NTM: variants seen among roughly 807,000 people sequenced by gnomAD.
The protein encoded by NTM is neurotrimin, also known as IgLON family member 2.
A neutral mutation model predicts 42.1 loss-of-function variants in NTM; 13 were observed. The observed-to-expected ratio is 0.31, with a 90% CI of 0.20 to 0.49. The LOEUF (loss-of-function observed/expected upper bound fraction) is 0.49. NTM is among the 20% of genes least tolerant of loss of function. The pLI is 0.99. For missense variants in NTM, 373 were observed against 452.8 expected (o/e 0.82, Z 1.60); for synonymous variants, 187 against 179.2 (o/e 1.04, Z -0.35).
At chr11:131,940,929 A>G (rs1243913245) in intron 2 of NTM, among the ~76,000 whole-genome samples, 1 of 152,254 alleles carries the variant, frequency 6.6e-6, no homozygotes. Flanking sequence ...ATTTCTTAAT[A>G]CGGGTGCAAA....
chr11:131,967,696 G>A (rs1431874940), intron 2 of NTM, among the ~76,000 whole-genome samples: 1 of 152,156 alleles, frequency 6.6e-6, no homozygotes, highest in African/African-American at 2.4e-5. Flanking sequence ...AGGTTTTTGT[G>A]TTTTCTTCTC....
chr11:132,020,439 T>G (rs1428947601), intron 2 of NTM, among the ~76,000 whole-genome samples: 1 of 151,784 alleles, frequency 6.6e-6, no homozygotes, highest in Non-Finnish European at 1.5e-5. Context: ...TTATTTTGTA[T>G]TAAATAAATA....
chr11:131,999,951 C>A (rs188403394), intron 2 of NTM, among the ~76,000 whole-genome samples: 35 of 152,138 alleles, frequency 2.3e-4, no homozygotes, highest in African/African-American at 8.2e-4. Context: ...CCCCTTCCTG[C>A]GTACTAGTGA....
intron 3 of NTM, among the ~76,000 whole-genome samples, chr11:132,180,551 G>T (rs541997303): frequency 7.2e-5 from 11 of 152,216 alleles, no homozygotes; most frequent in African/African-American, 2.6e-4. Flanking sequence ...CAAACTCACA[G>T]GTTTTCAAGT....
At chr11:131,794,147 T>A (rs551666108) in intron 1 of NTM, among the ~76,000 whole-genome samples, 1 of 152,058 alleles carries the variant, frequency 6.6e-6, no homozygotes, top group Non-Finnish European at 1.5e-5. Context: ...GGGTGTGGAG[T>A]GCCACGGTGC....
intron 3 of NTM, among the ~76,000 whole-genome samples, chr11:132,196,762 G>A (rs1029880747): frequency 6.6e-6 from 1 of 152,124 alleles, no homozygotes; most frequent in African/African-American, 2.4e-5. Context: ...ATAGACTGTA[G>A]TGACTACTTG....
intron 7 of NTM, among the ~76,000 whole-genome samples, chr11:132,319,453 G>T (rs1351769363): frequency 6.6e-6 from 1 of 152,120 alleles, no homozygotes; most frequent in Non-Finnish European, 1.5e-5. Flanking sequence ...CTTAAAAAAC[G>T]GCACACCAAG....
intron 1 of NTM, among the ~76,000 whole-genome samples, chr11:131,782,804 G>A: frequency 6.6e-6 from 1 of 152,090 alleles, no homozygotes; most frequent in Non-Finnish European, 1.5e-5. Context: ...CAAACTCTCA[G>A]CAAACTAAGT....
At chr11:131,881,955 A>G (rs2049595904) in intron 1 of NTM, among the ~76,000 whole-genome samples, 2 of 152,200 alleles carry the variant, frequency 1.3e-5, no homozygotes, top group African/African-American at 4.8e-5. Context: ...GTAGAGAACA[A>G]TGTCACACAA....
intron 1 of NTM, among the ~76,000 whole-genome samples, chr11:131,468,826 G>T (rs976606356): frequency 4.6e-5 from 7 of 152,226 alleles, no homozygotes; most frequent in Admixed American, 2.6e-4. Context: ...TTTGACAGCT[G>T]ATTGGCCAGC....
At position 131,796,177 on chromosome 11, in the gene NTM, G is replaced by A. The variant is rs576593712; in HGVS notation, c.83-115387G>A. 12 of 985,224 alleles carry A rather than the reference G, an allele frequency of 1.2e-5. No homozygotes were observed. The South Asian group carries it at 3.8e-4, about 31-fold the overall frequency. The allele number at this position is 985,224 out of a possible 1,614,324, so 61.0% of individuals were successfully genotyped here. On this transcript the variant is annotated intron_variant, in intron 1 of 8. Coordinates refer to ENST00000683400, the MANE Select transcript of NTM (RefSeq NM_001352005.2). ...AAATATCGAAGCCCTCCTGCAGCTG[G>A]GGAAACAAAGGAAAAGGTTAAGGTG...
At chr11:132,010,074 A>G (rs1016040318) in intron 2 of NTM, among the ~76,000 whole-genome samples, 2 of 152,232 alleles carry the variant, frequency 1.3e-5, no homozygotes, top group Non-Finnish European at 2.9e-5. Context: ...AGATCAATAC[A>G]GATAATTTTG....
intron 4 of NTM, among the ~76,000 whole-genome samples, chr11:132,258,239 C>T (rs2092628226): frequency 6.6e-6 from 1 of 152,188 alleles, no homozygotes; most frequent in Admixed American, 6.5e-5. Context: ...GACACATTTT[C>T]TAAACTCTGT....
In NTM at chr11:131,985,718, G is replaced by C. The variant is rs867615997; in HGVS notation, c.167+74070G>C. Among the ~76,000 whole-genome samples, 5 of 152,182 alleles carry C rather than the reference G, an allele frequency of 3.3e-5. No individual in the cohort carries two copies. In the South Asian group the frequency reaches 1.0e-3, roughly 31 times the overall value. The stretch of plus-strand genomic sequence containing the variant: ...GTTACTCCTACGCTCATTCCACTGG[G>C]TAGAATTCAGTCACAGTGTCACGTA... On this transcript the variant is annotated intron_variant, in intron 2 of 8. Coordinates refer to ENST00000683400, the MANE Select transcript of NTM (RefSeq NM_001352005.2).
intron 2 of NTM, among the ~76,000 whole-genome samples, chr11:132,125,776 G>GTGT (rs2136997871): frequency 6.6e-6 from 1 of 152,078 alleles, no homozygotes; most frequent in Non-Finnish European, 1.5e-5. Context: ...GGTATATGGT[G>GTGT]CATGTGTGTT....
chr11:131,439,383 C>A (rs61901893), intron 1 of NTM, among the ~76,000 whole-genome samples: 20,859 of 152,264 alleles, frequency 0.14, 1,612 homozygotes, highest in South Asian at 0.19. Flanking sequence ...GTTTCTGCTG[C>A]CTTTTGTTCA....
intron 1 of NTM, chr11:131,794,915 T>C: frequency 1.0e-6 from 1 of 984,970 alleles, no homozygotes; most frequent in Non-Finnish European, 1.2e-6. Context: ...GAGTGTTGGG[T>C]AACCAAGGCT....
chr11:131,821,695 C>T (rs915268924), intron 1 of NTM, among the ~76,000 whole-genome samples: 115 of 152,144 alleles, frequency 7.6e-4, no homozygotes, highest in African/African-American at 2.7e-3. Context: ...CTTTGCTCTG[C>T]GTATGTGGCG....
At chr11:131,921,761 A>G (rs1446063649) in intron 2 of NTM, among the ~76,000 whole-genome samples, 2 of 152,042 alleles carry the variant, frequency 1.3e-5, no homozygotes. Flanking sequence ...CAGCCTCTCC[A>G]TTACAAATCC....
Sources: allele counts gnomAD v4.1 joint callset (sites outside exome capture counted in the v4.1 genomes callset), GRCh38; gene constraint gnomAD v4.1.1; transcripts MANE v1.5; gene names NCBI Gene and HGNC (gene_info 2026-07-23, HGNC 2026-07-21).